Variants in SNX1 observed in about 807,000 individuals in gnomAD.
SNX1 encodes sorting nexin-1.
SNX1 carries 36 observed loss-of-function variants against 71.8 expected under a neutral mutation model. That is an observed-to-expected ratio of 0.50 (90% CI 0.38 to 0.66). The LOEUF (loss-of-function observed/expected upper bound fraction) is 0.66, where lower values mean the gene tolerates loss of function less well. Among genes scored for constraint, SNX1 ranks in the 30% least tolerant of loss-of-function variants. SNX1 has a pLI of 0.00. For missense variants in SNX1, 612 were observed against 646.7 expected (o/e 0.95, Z 0.58); for synonymous variants, 254 against 240.7 (o/e 1.06, Z -0.51).
At chr15:64,119,908 A>G (rs773654347) in intron 4 of SNX1, among the ~76,000 whole-genome samples, 1 of 152,188 alleles carries the variant, frequency 6.6e-6, no homozygotes, top group African/African-American at 2.4e-5. Context: ...TCTCATTTAT[A>G]CACATACTTT....
At position 64,126,067 on chromosome 15, in the gene SNX1, C is replaced by T. The variant is rs760786728; in HGVS notation, c.511-12C>T. ...GGAATGAAATTGCCTTGTGTTTTTTCCTGTCCCCAAGACAAGCTTACCATT... is the reference window on the plus strand; with the variant it reads ...GGAATGAAATTGCCTTGTGTTTTTTTCTGTCCCCAAGACAAGCTTACCATT... On this transcript the variant is annotated splice_polypyrimidine_tract_variant and intron_variant, in intron 5 of 14. Transcript: ENST00000559844. 2.7e-5 allele frequency: 43 copies of T among 1,612,994 alleles called. No individual in the cohort carries two copies. Among genetic ancestry groups the T allele is most frequent in the Non-Finnish European group, 3.6e-5 (42 of 1,179,726 alleles).
intron 2 of SNX1, among the ~76,000 whole-genome samples, chr15:64,117,826 G>A (rs1019464904): frequency 2.6e-5 from 4 of 152,176 alleles, no homozygotes; most frequent in Admixed American, 2.6e-4. Flanking sequence ...TATTTTGGCT[G>A]TGTTGTCTTT....
intron 1 of SNX1, among the ~76,000 whole-genome samples, chr15:64,099,633 A>G (rs1280963517): frequency 1.3e-5 from 2 of 152,220 alleles, no homozygotes; most frequent in Non-Finnish European, 2.9e-5. Context: ...GCCTGGGCGA[A>G]AAAGTGAAAC....
At position 64,120,266 on chromosome 15, in the gene SNX1, C is replaced by CTTTTTTTTT. The variant is rs35526278; in HGVS notation, c.466+1427_466+1435dup. 2.1e-3 allele frequency among the ~76,000 whole-genome samples: 142 copies of CTTTTTTTTT among 67,096 alleles called. 1 individual carries two copies. Among genetic ancestry groups the CTTTTTTTTT allele is most frequent in the African/African-American group, 7.8e-3 (137 of 17,640 alleles). The allele number at this position is 67,096 out of a possible 152,430, so 44.0% of individuals were successfully genotyped here. On this transcript the variant is annotated intron_variant, in intron 4 of 14. Coordinates refer to ENST00000559844, the MANE Select transcript of SNX1 (RefSeq NM_003099.5). ...TTAGACTTTATGCCAAAATGGTTGT[C>CTTTTTTTTT]TTTTTTTTTTTTTTTTTTTTTTTGA...
intron 3 of SNX1, 53 bp downstream of exon 3, chr15:64,118,297 C>T (rs995455335): frequency 1.2e-5 from 18 of 1,552,456 alleles, no homozygotes; most frequent in South Asian, 3.6e-5. Flanking sequence ...GGACTGTGTA[C>T]GGCCAGTCTG....
In SNX1 at chr15:64,140,285, C is replaced by T. The variant is rs1434874928; in HGVS notation, c.*2667C>T. ...TACAAAGAAAAACATCCTTTCTCACCATTTATTTATTCACTTGTTTATCAA... is the reference window on the plus strand; with the variant it reads ...TACAAAGAAAAACATCCTTTCTCACTATTTATTTATTCACTTGTTTATCAA... On this transcript the variant is annotated 3_prime_UTR_variant, in exon 15 of 15. Coordinates refer to ENST00000559844, the MANE Select transcript of SNX1 (RefSeq NM_003099.5). The T allele has an allele frequency of 6.6e-6, 1 of 152,184 alleles. No individual in the cohort carries two copies. The highest frequency in any genetic ancestry group is 2.4e-5 in the African/African-American group (1 of 41,436). 9.4% of individuals were successfully genotyped at this position (152,184 alleles called of 1,614,324 possible). A position where few individuals can be genotyped will look rare whatever the true frequency, so the allele number is the denominator to read the frequency against.
At chr15:64,131,214 C>T (rs1251342617) in intron 10 of SNX1, among the ~76,000 whole-genome samples, 3 of 152,038 alleles carry the variant, frequency 2.0e-5, no homozygotes, top group Admixed American at 6.5e-5. Context: ...ACCCGGGAGG[C>T]GGAGGTTACA....
Position 64,144,127 on chromosome 15 carries a change from T to C in SNX1, c.*6509T>C, listed in dbSNP as rs1311865609. On this transcript the variant is annotated 3_prime_UTR_variant, in exon 15 of 15. Coordinates refer to ENST00000559844, the MANE Select transcript of SNX1 (RefSeq NM_003099.5). The surrounding 1 kb of genome is among the most constrained non-coding windows in gnomAD (Gnocchi z 4.3). ...TATGGTCACCTCTAGAGATGGAAGTTTGCATTACCTTTAATTTTTAATACC... is the reference window on the plus strand; with the variant it reads ...TATGGTCACCTCTAGAGATGGAAGTCTGCATTACCTTTAATTTTTAATACC... 1 of 152,238 alleles carries C rather than the reference T, an allele frequency of 6.6e-6. No individual in the cohort carries two copies. The highest frequency in any genetic ancestry group is 1.9e-4 in the East Asian group (1 of 5,206). 9.4% of individuals were successfully genotyped at this position (152,238 alleles called of 1,614,324 possible). A position where few individuals can be genotyped will look rare whatever the true frequency, so the allele number is the denominator to read the frequency against.
rs1405104660 is a variant in SNX1, at chr15:64,140,993, A to ATAGAT, written c.*3376_*3380dup. The ATAGAT allele has an allele frequency of 2.0e-5, 3 of 147,086 alleles. No homozygotes were observed. Among genetic ancestry groups the ATAGAT allele is most frequent in the Admixed American group, 6.6e-5 (1 of 15,082 alleles). 9.1% of individuals were successfully genotyped at this position (147,086 alleles called of 1,614,324 possible). ...TACAGTGCAAAGAGATGATAGATAG[A>ATAGAT]TAGATAGATAGATAGATAGATAGAT... On this transcript the variant is annotated 3_prime_UTR_variant, in exon 15 of 15. Transcript: ENST00000559844.
chr15:64,096,641 A>G (rs774270993), intron 1 of SNX1, among the ~76,000 whole-genome samples: 1 of 152,236 alleles, frequency 6.6e-6, no homozygotes, highest in Non-Finnish European at 1.5e-5. Context: ...GCATTTACCG[A>G]TAATAACCAA....
intron 1 of SNX1, among the ~76,000 whole-genome samples, chr15:64,109,701 T>C (rs1330238433): frequency 6.6e-6 from 1 of 151,976 alleles, no homozygotes; most frequent in East Asian, 1.9e-4. Context: ...AGAGACAGGG[T>C]TTCACCATGT....
At chr15:64,119,579 C>A (rs1187258922) in intron 4 of SNX1, among the ~76,000 whole-genome samples, 1 of 152,104 alleles carries the variant, frequency 6.6e-6, no homozygotes, top group Non-Finnish European at 1.5e-5. Context: ...CAAAAATTGA[C>A]CAGGCATGGT....
chr15:64,112,809 G>A, intron 2 of SNX1, 125 bp downstream of exon 2: 1 of 570,690 alleles, frequency 1.8e-6, no homozygotes, highest in Non-Finnish European at 3.0e-6. Context: ...GTACTTTTGT[G>A]GAGGATTCCA....
chr15:64,132,919 C>T (rs2081321691), intron 11 of SNX1, among the ~76,000 whole-genome samples: 1 of 152,212 alleles, frequency 6.6e-6, no homozygotes, highest in African/African-American at 2.4e-5. Context: ...ACTGGGCAGG[C>T]TACTTAGACT....
In SNX1 at chr15:64,129,181, A is replaced by G. The variant is rs866082539; in HGVS notation, c.808-735A>G. On this transcript the variant is annotated intron_variant, in intron 8 of 14. Coordinates refer to ENST00000559844, the MANE Select transcript of SNX1 (RefSeq NM_003099.5). This position sits in a 1 kb window ranked among gnomAD's most constrained non-coding sequence, Gnocchi z 4.4. ...ATAATCACTTGAACCCTGGAGGCAG[A>G]GGTTGCCGTGAGCTGAGATCGTGCC... Among the ~76,000 whole-genome samples, 52 of 151,430 alleles carry G rather than the reference A, an allele frequency of 3.4e-4. No individual in the cohort carries two copies. Among genetic ancestry groups the G allele is most frequent in the African/African-American group, 1.2e-3 (50 of 41,082 alleles).
intron 1 of SNX1, among the ~76,000 whole-genome samples, chr15:64,107,334 A>G (rs1176327371): frequency 6.6e-6 from 1 of 152,220 alleles, no homozygotes; most frequent in Non-Finnish European, 1.5e-5. Flanking sequence ...TGTGTGGAGC[A>G]AAGAGCAGTT....
At chr15:64,136,234 A>G (rs2081357992) in intron 12 of SNX1, 96 bp from the exon 13 acceptor site, 1 of 896,988 alleles carries the variant, frequency 1.1e-6, no homozygotes, top group Non-Finnish European at 1.9e-6. Context: ...CATAATGATC[A>G]ATTGAGCCCT....
At chr15:64,109,626 A>G (rs1029259010) in intron 1 of SNX1, among the ~76,000 whole-genome samples, 6 of 151,600 alleles carry the variant, frequency 4.0e-5, no homozygotes, top group South Asian at 2.1e-4. Flanking sequence ...CCCTGCCTCA[A>G]CCTCCCAAGT....
At chr15:64,098,955 A>C (rs987260525) in intron 1 of SNX1, among the ~76,000 whole-genome samples, 9 of 152,144 alleles carry the variant, frequency 5.9e-5, no homozygotes, top group African/African-American at 2.2e-4. Flanking sequence ...GCCATTTTTC[A>C]AGCTGCCCAT....
Sources: allele counts gnomAD v4.1 joint callset (sites outside exome capture counted in the v4.1 genomes callset), GRCh38; gene constraint gnomAD v4.1.1; non-coding constraint Gnocchi (gnomAD v3.1); transcripts MANE v1.5; gene names NCBI Gene and HGNC (gene_info 2026-07-23, HGNC 2026-07-21).